The following PRKN variants were observed in gnomAD, a reference collection of about 807,000 sequenced individuals.
PRKN encodes E3 ubiquitin-protein ligase parkin.
A neutral mutation model predicts 59.5 loss-of-function variants in PRKN; 56 were observed. The ratio of observed to expected loss-of-function variants is 0.94; its 90% CI spans 0.76 to 1.18. The LOEUF (loss-of-function observed/expected upper bound fraction) is 1.18. Ranked by LOEUF, PRKN falls within the 50% of genes most tolerant of loss-of-function variation. The pLI, the probability that PRKN is intolerant of heterozygous loss-of-function variation, is 0.00. For missense variants in PRKN, 657 were observed against 596.4 expected, an observed-to-expected ratio of 1.10 and a Z score of -1.06; for synonymous variants, 250 against 222.1, an observed-to-expected ratio of 1.13 and a Z score of -1.12.
At chr6:162,513,414 G>A (rs1777711671) in intron 1 of PRKN, among the ~76,000 whole-genome samples, 1 of 151,550 alleles carries the variant, frequency 6.6e-6, no homozygotes, top group South Asian at 2.1e-4. Flanking sequence ...AGGAGGGAGA[G>A]GTTGCAGTGA....
intron 6 of PRKN, among the ~76,000 whole-genome samples, chr6:161,838,438 T>C (rs2128220104): frequency 6.6e-6 from 1 of 152,310 alleles, no homozygotes; most frequent in African/African-American, 2.4e-5. Flanking sequence ...TGCATGCCTT[T>C]GGGCAGGTCA....
In PRKN at chr6:161,569,476, C is replaced by G. The variant is rs150733619; in HGVS notation, c.872-60G>C. 1.4e-3 allele frequency: 1,913 copies of G among 1,416,294 alleles called. 24 individuals are homozygous for G. The African/African-American group carries it at 0.024, about 18-fold the overall frequency. The allele number at this position is 1,416,294 out of a possible 1,614,324, so 87.7% of individuals were successfully genotyped here. ...CTTTCACTCTGTGTGGTTATATGTT[C>G]TTACACAGAGTTATGACTATCAACT... On this transcript the variant is annotated intron_variant, in intron 7 of 11. Coordinates refer to ENST00000366898, the MANE Select transcript of PRKN (RefSeq NM_004562.3).
chr6:162,281,084 G>T (rs1780883716), intron 2 of PRKN, among the ~76,000 whole-genome samples: 1 of 152,126 alleles, frequency 6.6e-6, no homozygotes, highest in Non-Finnish European at 1.5e-5. Flanking sequence ...GTATTCCATG[G>T]TGTACAAAAA....
intron 1 of PRKN, among the ~76,000 whole-genome samples, chr6:162,674,808 A>G (rs1779473398): frequency 6.6e-6 from 1 of 152,218 alleles, no homozygotes; most frequent in South Asian, 2.1e-4. Context: ...ATGCTAGGTA[A>G]TAAATAATAC....
In PRKN at chr6:161,631,800, A is replaced by G. The variant is rs576857694; in HGVS notation, c.872-62384T>C. ...ACACACACACACACACACACCCCAC[A>G]CACACACATTCCTCAGGGCTTTTTA... On this transcript the variant is annotated intron_variant, in intron 7 of 11. Coordinates refer to ENST00000366898, the MANE Select transcript of PRKN (RefSeq NM_004562.3). Among the ~76,000 whole-genome samples, 52 of 137,590 alleles carry G rather than the reference A, an allele frequency of 3.8e-4. No homozygotes were observed. The Middle Eastern group carries it at 0.012, about 31-fold the overall frequency. 90.3% of individuals were successfully genotyped at this position (137,590 alleles called of 152,430 possible).
chr6:162,681,325 T>A (rs2128232787), intron 1 of PRKN, among the ~76,000 whole-genome samples: 1 of 152,114 alleles, frequency 6.6e-6, no homozygotes, highest in South Asian at 2.1e-4. Flanking sequence ...AACTTAAAGG[T>A]GTGTTGGATG....
intron 2 of PRKN, among the ~76,000 whole-genome samples, chr6:162,433,203 G>A (rs1371616225): frequency 6.6e-6 from 1 of 152,130 alleles, no homozygotes; most frequent in Non-Finnish European, 1.5e-5. Context: ...TCAGTCCTTT[G>A]TAGGTAAAAT....
In PRKN at chr6:161,550,469, C is replaced by T. The variant is rs141299310; in HGVS notation, c.934-1466G>A. ...GAGAAGCTTATGTCAACATCTATGA[C>T]GTAAGCTAGGAGCTTATGTCAACAT... On this transcript the variant is annotated intron_variant, in intron 8 of 11. Transcript: ENST00000366898. The surrounding 1 kb of genome is among the most constrained non-coding windows in gnomAD (Gnocchi z 4.0). Among the ~76,000 whole-genome samples the T allele has an allele frequency of 1.6e-4, 24 of 151,264 alleles. No individual in the cohort carries two copies. The highest frequency in any genetic ancestry group is 2.6e-4 in the Non-Finnish European group (18 of 67,958).
At position 161,355,450 on chromosome 6, in the gene PRKN, G is replaced by A. The variant is rs756423547; in HGVS notation, c.1285+4638C>T. On this transcript the variant is annotated intron_variant, in intron 11 of 11. Transcript: ENST00000366898. This position sits in a 1 kb window ranked among gnomAD's most constrained non-coding sequence, Gnocchi z 6.8. ...GGAGTCTCACTGTGTCACCCAGGCC[G>A]AAGTGCAATGGTGCAATCTTGGCTC... Among the ~76,000 whole-genome samples, 3 of 152,184 alleles carry A rather than the reference G, an allele frequency of 2.0e-5. No individual in the cohort carries two copies. Among genetic ancestry groups the A allele is most frequent in the East Asian group, 1.9e-4 (1 of 5,192 alleles).
chr6:162,001,424 T>C (rs1448136947), intron 5 of PRKN, among the ~76,000 whole-genome samples: 3 of 152,086 alleles, frequency 2.0e-5, no homozygotes, highest in African/African-American at 7.2e-5. Context: ...TAATATGTTA[T>C]TGCGTTCTTA....
intron 7 of PRKN, among the ~76,000 whole-genome samples, chr6:161,634,123 TC>T (rs1783424024): frequency 2.0e-5 from 3 of 152,148 alleles, no homozygotes; most frequent in African/African-American, 7.2e-5. Context: ...ATGGGTTCTG[TC>T]CCATAGGTGA....
At chr6:161,922,811 G>T (rs1027759067) in intron 6 of PRKN, among the ~76,000 whole-genome samples, 3 of 152,162 alleles carry the variant, frequency 2.0e-5, no homozygotes, top group Non-Finnish European at 4.4e-5. Flanking sequence ...TTTTGGAGAA[G>T]TTGGAGTTTT....
chr6:162,319,878 CAGTT>C (rs1355348253), intron 2 of PRKN, among the ~76,000 whole-genome samples: 5 of 152,040 alleles, frequency 3.3e-5, no homozygotes, highest in Middle Eastern at 3.4e-3. Flanking sequence ...ATTAGGTAGT[CAGTT>C]AGGTATGCCT....
intron 7 of PRKN, among the ~76,000 whole-genome samples, chr6:161,730,174 T>C (rs868589627): frequency 6.6e-6 from 1 of 151,462 alleles, no homozygotes; most frequent in Non-Finnish European, 1.5e-5. Context: ...CTTTCTGATG[T>C]GTTGCATTCT....
At chr6:161,430,217 C>T (rs537393696) in intron 9 of PRKN, among the ~76,000 whole-genome samples, 1 of 152,288 alleles carries the variant, frequency 6.6e-6, no homozygotes, top group African/African-American at 2.4e-5. Flanking sequence ...TCTCTATCTT[C>T]CAAGGCTGTT....
intron 6 of PRKN, among the ~76,000 whole-genome samples, chr6:161,818,774 A>G (rs2128215555): frequency 6.6e-6 from 1 of 152,300 alleles, no homozygotes; most frequent in Non-Finnish European, 1.5e-5. Context: ...GATCTCCAAC[A>G]ACAAGGGCCT....
chr6:162,463,551 C>T (rs1791271228), intron 1 of PRKN, among the ~76,000 whole-genome samples: 2 of 152,200 alleles, frequency 1.3e-5, no homozygotes, highest in Middle Eastern at 3.4e-3. Flanking sequence ...GCTCCGGGTT[C>T]CTCTCCTTTT....
chr6:161,497,191 T>C lies in PRKN; in HGVS notation c.1083+51663A>G, dbSNP rs948746314. ...TGCAGGAGGGGCACTTATCAGTACT[T>C]CCTCACTCCCAACATGAAAAGTCAG... On this transcript the variant is annotated intron_variant, in intron 9 of 11. Coordinates refer to ENST00000366898, the MANE Select transcript of PRKN (RefSeq NM_004562.3). This position sits in a 1 kb window ranked among gnomAD's most constrained non-coding sequence, Gnocchi z 4.6. Among the ~76,000 whole-genome samples, 1 of 152,136 alleles carries C rather than the reference T, an allele frequency of 6.6e-6. No homozygotes were observed. The highest frequency in any genetic ancestry group is 1.5e-5 in the Non-Finnish European group (1 of 68,028).
chr6:161,464,600 C>T (rs372897849), intron 9 of PRKN, among the ~76,000 whole-genome samples: 3 of 152,154 alleles, frequency 2.0e-5, no homozygotes, highest in Admixed American at 1.3e-4. Flanking sequence ...CCTATGCCCA[C>T]CTAGCCTAAG....
Sources: allele counts gnomAD v4.1 joint callset (sites outside exome capture counted in the v4.1 genomes callset), GRCh38; gene constraint gnomAD v4.1.1; non-coding constraint Gnocchi (gnomAD v3.1); transcripts MANE v1.5; gene names NCBI Gene and HGNC (gene_info 2026-07-23, HGNC 2026-07-21).